QTMAN: variants seen among roughly 807,000 people sequenced by gnomAD.
QTMAN encodes the protein tRNA-queuosine alpha-mannosyltransferase.
At chr2:144,068,554 T>C in the QTMAN span, among the ~76,000 whole-genome samples, 2 of 152,222 alleles carry the variant, frequency 1.3e-5, no homozygotes, top group African/African-American at 4.8e-5. Flanking sequence ...CCAATTAATA[T>C]GCAAATATAT....
At chr2:144,176,987 T>G in the QTMAN span, 1 of 555,614 alleles carries the variant, frequency 1.8e-6, no homozygotes, top group African/African-American at 1.9e-5. Flanking sequence ...CAGGTATGTC[T>G]TACATGGTCA....
At chr2:144,182,851 TTTTATATATAA>T in the QTMAN span, among the ~76,000 whole-genome samples, 1 of 49,430 alleles carries the variant, frequency 2.0e-5, no homozygotes, top group Admixed American at 3.0e-4. Context: ...TATATATATA[TTTTATATATAA>T]TATATATATA....
the QTMAN span, among the ~76,000 whole-genome samples, chr2:144,082,873 G>A: frequency 6.6e-6 from 1 of 151,718 alleles, no homozygotes. Context: ...TCATCTAAAA[G>A]GAATTAAAAT....
chr2:144,330,841 T>C, the QTMAN span, among the ~76,000 whole-genome samples: 3 of 152,232 alleles, frequency 2.0e-5, no homozygotes, highest in African/African-American at 4.8e-5. Context: ...TGTCTTCGAT[T>C]CTTAATTTCT....
At chr2:143,957,458 C>G in the QTMAN span, 1 of 552,900 alleles carries the variant, frequency 1.8e-6, no homozygotes, top group Non-Finnish European at 2.9e-6. Flanking sequence ...TAACGAACTT[C>G]TTGGAGTTGT....
the QTMAN span, among the ~76,000 whole-genome samples, chr2:144,005,415 T>C: frequency 2.0e-5 from 3 of 152,000 alleles, no homozygotes; most frequent in South Asian, 6.2e-4. Context: ...CCAAACAAAA[T>C]TAGTTCTCTT....
At chr2:143,950,407 T>G in the QTMAN span, among the ~76,000 whole-genome samples, 1 of 151,762 alleles carries the variant, frequency 6.6e-6, no homozygotes, top group Non-Finnish European at 1.5e-5. Flanking sequence ...ACATCTGCTT[T>G]CTTTTCTTAC....
At chr2:143,978,878 G>A in the QTMAN span, among the ~76,000 whole-genome samples, 1 of 152,194 alleles carries the variant, frequency 6.6e-6, no homozygotes. Context: ...CAAGAAACAT[G>A]TAGGAAATAC....
chr2:144,260,571 T>C, the QTMAN span, among the ~76,000 whole-genome samples: 1 of 152,078 alleles, frequency 6.6e-6, no homozygotes, highest in Non-Finnish European at 1.5e-5. Context: ...CCCCCACATA[T>C]TTCTGTACTT....
At chr2:144,108,367 C>T in the QTMAN span, among the ~76,000 whole-genome samples, 3 of 152,266 alleles carry the variant, frequency 2.0e-5, no homozygotes, top group African/African-American at 4.8e-5. Flanking sequence ...CGGCCAGGCA[C>T]AGTTGCTCAT....
At chr2:144,125,352 G>C in the QTMAN span, among the ~76,000 whole-genome samples, 2 of 151,952 alleles carry the variant, frequency 1.3e-5, no homozygotes, top group African/African-American at 4.8e-5. Context: ...GGTTATTAAA[G>C]AATCAGAGCT....
chr2:144,307,159 T>TAAAAAAAAAAAAAAAAAAAAAAA, the QTMAN span, among the ~76,000 whole-genome samples: 2 of 40,466 alleles, frequency 4.9e-5, no homozygotes, highest in Non-Finnish European at 7.9e-5. Flanking sequence ...GACTCCGTCT[T>TAAAAAAAAAAAAAAAAAAAAAAA]AAAAAAAAAA....
At chr2:143,991,214 A>C in the QTMAN span, among the ~76,000 whole-genome samples, 1 of 152,244 alleles carries the variant, frequency 6.6e-6, no homozygotes, top group Non-Finnish European at 1.5e-5. Flanking sequence ...AATGTTTTCC[A>C]GGATGGATGA....
At chr2:144,182,802 A>G in the QTMAN span, among the ~76,000 whole-genome samples, 1 of 13,566 alleles carries the variant, frequency 7.4e-5, no homozygotes, top group Non-Finnish European at 3.8e-4. Context: ...TATATATTAT[A>G]TATATAATAT....
chr2:144,281,395 CAAAAA>C, the QTMAN span, among the ~76,000 whole-genome samples: 22 of 60,596 alleles, frequency 3.6e-4, no homozygotes, highest in Admixed American at 3.4e-3. Context: ...ATTGTTATAG[CAAAAA>C]AAAAAAAAAA....
chr2:143,947,173 A>G, the QTMAN span: 1 of 1,430,060 alleles, frequency 7.0e-7, no homozygotes, highest in African/African-American at 1.4e-5. Context: ...AAAGAAGTGA[A>G]GAGCATTAAT....
the QTMAN span, among the ~76,000 whole-genome samples, chr2:143,979,343 T>A: frequency 1.8e-4 from 28 of 152,180 alleles, no homozygotes; most frequent in Non-Finnish European, 4.0e-4. Context: ...AGACCCAATA[T>A]ATGTATTATC....
At chr2:144,291,215 A>G in the QTMAN span, among the ~76,000 whole-genome samples, 1 of 152,210 alleles carries the variant, frequency 6.6e-6, no homozygotes, top group African/African-American at 2.4e-5. Flanking sequence ...TCCAAAACTA[A>G]GTTAAAGTCT....
the QTMAN span, among the ~76,000 whole-genome samples, chr2:144,060,270 C>CT: frequency 2.1e-5 from 3 of 145,968 alleles, no homozygotes; most frequent in African/African-American, 5.0e-5. Context: ...TTTTTTTTTT[C>CT]TTTTTTTTGA....
Sources: allele counts gnomAD v4.1 joint callset (sites outside exome capture counted in the v4.1 genomes callset), GRCh38; gene constraint gnomAD v4.1.1; transcripts MANE v1.5; gene names NCBI Gene and HGNC (gene_info 2026-07-23, HGNC 2026-07-21).